Variants in BBS9 observed in about 807,000 individuals in gnomAD.
BBS9 encodes protein PTHB1.
BBS9 carries 89 observed loss-of-function variants against 117.7 expected under a neutral mutation model. The observed-to-expected ratio is 0.76, with a 90% CI of 0.64 to 0.90. BBS9 has a LOEUF of 0.90. BBS9 is among the 40% of genes least tolerant of loss of function. BBS9 has a pLI of 0.00. For synonymous variants in BBS9, 379 were observed against 370.9 expected, an observed-to-expected ratio of 1.02 and a Z score of -0.25; for missense variants, 982 against 1,042.2, an observed-to-expected ratio of 0.94 and a Z score of 0.80.
At chr7:33,411,678 A>G (rs991008878) in intron 19 of BBS9, among the ~76,000 whole-genome samples, 1 of 152,172 alleles carries the variant, frequency 6.6e-6, no homozygotes, top group Non-Finnish European at 1.5e-5. Flanking sequence ...CAGTCTACAA[A>G]TGTTCAATGT....
At chr7:33,411,996 T>C (rs1831223195) in intron 19 of BBS9, among the ~76,000 whole-genome samples, 1 of 152,144 alleles carries the variant, frequency 6.6e-6, no homozygotes, top group Non-Finnish European at 1.5e-5. Flanking sequence ...AAAAATAAAA[T>C]GGTGCTTAAG....
intron 6 of BBS9, among the ~76,000 whole-genome samples, chr7:33,260,524 G>A (rs1797809715): frequency 6.6e-6 from 1 of 152,134 alleles, no homozygotes; most frequent in South Asian, 2.1e-4. Flanking sequence ...GCATTATCAG[G>A]TTCTTGAGAG....
At chr7:33,151,207 G>A (rs1308986630) in intron 2 of BBS9, among the ~76,000 whole-genome samples, 2 of 151,956 alleles carry the variant, frequency 1.3e-5, no homozygotes, top group African/African-American at 2.4e-5. Context: ...AGCTGTGATT[G>A]CATCACTGTA....
intron 19 of BBS9, among the ~76,000 whole-genome samples, chr7:33,419,133 A>G (rs1188821810): frequency 6.6e-6 from 1 of 152,128 alleles, no homozygotes; most frequent in African/African-American, 2.4e-5. Context: ...TTTAAGCTCA[A>G]ACTGTAGTAA....
At chr7:33,567,796 C>T (rs532490761) in intron 21 of BBS9, among the ~76,000 whole-genome samples, 182 of 152,234 alleles carry the variant, frequency 1.2e-3, no homozygotes, top group African/African-American at 3.8e-3. Context: ...TTCCATACCC[C>T]GTCTTACCCC....
At chr7:33,289,520 A>G (rs1803583293) in intron 9 of BBS9, among the ~76,000 whole-genome samples, 1 of 152,102 alleles carries the variant, frequency 6.6e-6, no homozygotes, top group African/African-American at 2.4e-5. Flanking sequence ...AATTACTAGT[A>G]TTTCAGTAGT....
intron 9 of BBS9, among the ~76,000 whole-genome samples, chr7:33,333,531 C>T (rs1814602324): frequency 6.6e-6 from 1 of 151,658 alleles, no homozygotes; most frequent in Admixed American, 6.6e-5. Context: ...TTTTTTTCTT[C>T]AGCCAACAAA....
chr7:33,196,050 T>C (rs1784887157), intron 5 of BBS9, among the ~76,000 whole-genome samples: 1 of 152,176 alleles, frequency 6.6e-6, no homozygotes, highest in African/African-American at 2.4e-5. Context: ...TTTTAAATCA[T>C]AAAATGACTT....
At chr7:33,507,761 C>A (rs10251071) in intron 20 of BBS9, among the ~76,000 whole-genome samples, 1 of 152,102 alleles carries the variant, frequency 6.6e-6, no homozygotes, top group Admixed American at 6.6e-5. Flanking sequence ...CATGAGGAAG[C>A]GGGTCAGGGC....
intron 19 of BBS9, among the ~76,000 whole-genome samples, chr7:33,460,506 TAA>T (rs1454621769): frequency 7.2e-5 from 11 of 152,204 alleles, no homozygotes; most frequent in Admixed American, 5.9e-4. Context: ...GAAAAACTCT[TAA>T]GATTTAGACA....
At chr7:33,548,297 T>C (rs529047136) in intron 21 of BBS9, among the ~76,000 whole-genome samples, 1 of 152,336 alleles carries the variant, frequency 6.6e-6, no homozygotes, top group East Asian at 1.9e-4. Flanking sequence ...GTCATGTAGA[T>C]AACTCTGTAA....
intron 5 of BBS9, among the ~76,000 whole-genome samples, chr7:33,240,951 G>A (rs1794406252): frequency 1.3e-5 from 2 of 152,084 alleles, no homozygotes; most frequent in Non-Finnish European, 2.9e-5. Context: ...CTTTAAGTTT[G>A]GGGAGGGAGA....
At chr7:33,436,095 C>A (rs530372300) in intron 19 of BBS9, among the ~76,000 whole-genome samples, 1 of 152,142 alleles carries the variant, frequency 6.6e-6, no homozygotes, top group South Asian at 2.1e-4. Context: ...CAGGTCAGCT[C>A]GCTAACTTCC....
chr7:33,566,932 T>C (rs1170724145), intron 21 of BBS9, among the ~76,000 whole-genome samples: 1 of 152,138 alleles, frequency 6.6e-6, no homozygotes, highest in Non-Finnish European at 1.5e-5. Flanking sequence ...GAAGAATAAC[T>C]GTATATGAGG....
downstream of BBS9, among the ~76,000 whole-genome samples, chr7:33,610,533 G>T (rs1214883853): frequency 9.9e-5 from 15 of 151,972 alleles, no homozygotes; most frequent in Admixed American, 9.2e-4. Flanking sequence ...GAGGGAGTAG[G>T]GGGCAAAATT....
rs1362942337 is a variant in BBS9, at chr7:33,273,182, G to A, written c.873G>A (p.Leu291=). Reference sequence around the variant, plus strand: ...TTGATTGGAGCCCAAGTTGTTTTCTGCCATATTGCTCAGGTGTGTAGAAAG... The same window carrying A: ...TTGATTGGAGCCCAAGTTGTTTTCTACCATATTGCTCAGGTGTGTAGAAAG... ...KKLDWSPSCF[L]PYCSVSEGTI... The change falls in exon 8 of 23, where the codon CTG becomes CTA. Residue 291 remains leucine (L), a synonymous_variant. Transcript: ENST00000242067. 1 of 1,613,556 alleles carries A rather than the reference G, an allele frequency of 6.2e-7. No individual in the cohort carries two copies. Among genetic ancestry groups the A allele is most frequent in the East Asian group, 2.2e-5 (1 of 44,800 alleles).
At chr7:33,228,827 C>T (rs989132413) in intron 5 of BBS9, among the ~76,000 whole-genome samples, 1 of 151,952 alleles carries the variant, frequency 6.6e-6, no homozygotes, top group Non-Finnish European at 1.5e-5. Context: ...GGAGGTGACC[C>T]CTCTTCAGGT....
chr7:33,502,789 C>T (rs1397315139), intron 19 of BBS9, among the ~76,000 whole-genome samples: 2 of 152,168 alleles, frequency 1.3e-5, no homozygotes. Flanking sequence ...GAGTGAGACA[C>T]ACTCCAGAGT....
At chr7:33,627,678 C>T (rs1296833738) in intron 21 of BBS9, among the ~76,000 whole-genome samples, 1 of 152,216 alleles carries the variant, frequency 6.6e-6, no homozygotes, top group Non-Finnish European at 1.5e-5. Context: ...GGATATGAGA[C>T]ACTTGATATT....
Sources: gnomAD v4.1 joint callset for allele counts (sites outside exome capture counted in the v4.1 genomes callset) on GRCh38, gnomAD v4.1.1 for gene constraint, MANE v1.5 for transcripts, NCBI Gene and HGNC (gene_info 2026-07-23, HGNC 2026-07-21) for gene names.